Variants in GALNT5 observed in about 807,000 individuals in gnomAD.
GALNT5 encodes polypeptide N-acetylgalactosaminyltransferase 5, also known as UDP-GalNAc:polypeptide N-acetylgalactosaminyltransferase 5.
A neutral mutation model predicts 85.4 loss-of-function variants in GALNT5; 72 were observed. The ratio of observed to expected loss-of-function variants is 0.84; its 90% CI spans 0.70 to 1.03. GALNT5 has a LOEUF of 1.03. Among genes scored for constraint, GALNT5 ranks in the 50% least tolerant of loss-of-function variants. The pLI is 0.00. For missense variants in GALNT5, 1,137 were observed against 1,135.5 expected (o/e 1.00, Z -0.02); for synonymous variants, 404 against 397.0 (o/e 1.02, Z -0.21).
At chr2:157,310,329 C>T (rs1046596847) in intron 9 of GALNT5, among the ~76,000 whole-genome samples, 1 of 152,074 alleles carries the variant, frequency 6.6e-6, no homozygotes, top group Non-Finnish European at 1.5e-5. Context: ...AGTTTTCATG[C>T]TATTGCTACT....
In GALNT5 at chr2:157,311,528, C is replaced by A; in HGVS notation, c.*180C>A. 1 of 515,424 alleles carries A rather than the reference C, an allele frequency of 1.9e-6. No homozygotes were observed. Among genetic ancestry groups the A allele is most frequent in the Admixed American group, 4.0e-5 (1 of 25,248 alleles). 31.9% of individuals were successfully genotyped at this position (515,424 alleles called of 1,614,324 possible). A position where few individuals can be genotyped will look rare whatever the true frequency, so the allele number is the denominator to read the frequency against. Reference sequence around the variant, plus strand: ...AAGATGACTCAGGAAAACAGTCCAACATTGGACTGAAGTCCTTCTTCGGAA... The same window carrying A: ...AAGATGACTCAGGAAAACAGTCCAAAATTGGACTGAAGTCCTTCTTCGGAA... On this transcript the variant is annotated 3_prime_UTR_variant, in exon 10 of 10. Transcript: ENST00000259056.
chr2:157,294,294 G>C lies in GALNT5; in HGVS notation c.1742-1369G>C, dbSNP rs533164279. ...CCCCCTGGAATGTTGCTGAGTGATG[G>C]ATCAGAGCAGAACAGAGCAGACAAG... On this transcript the variant is annotated intron_variant, in intron 3 of 9. Transcript: ENST00000259056. Among the ~76,000 whole-genome samples the C allele has an allele frequency of 2.0e-5, 3 of 152,296 alleles. No individual in the cohort carries two copies. The South Asian group carries it at 6.2e-4, about 32-fold the overall frequency.
At chr2:157,289,573 G>C (rs1235084702) in intron 3 of GALNT5, among the ~76,000 whole-genome samples, 1 of 152,054 alleles carries the variant, frequency 6.6e-6, no homozygotes, top group South Asian at 2.1e-4. Flanking sequence ...GGAATCTACA[G>C]CTCTCAGTTT....
chr2:157,279,915 C>T (rs904740179), intron 1 of GALNT5, among the ~76,000 whole-genome samples: 1 of 152,174 alleles, frequency 6.6e-6, no homozygotes, highest in African/African-American at 2.4e-5. Context: ...ACGCTGGGAG[C>T]TGCAGATCGG....
chr2:157,284,077 T>G (rs1229842982), intron 1 of GALNT5, among the ~76,000 whole-genome samples: 1 of 152,174 alleles, frequency 6.6e-6, no homozygotes, highest in Non-Finnish European at 1.5e-5. Context: ...CTTTTTTATT[T>G]TGCATGTACC....
rs1203725844 is a variant in GALNT5, at chr2:157,317,194, A to ATTT, written c.*5847_*5848insTTT. Among the ~76,000 whole-genome samples the ATTT allele has an allele frequency of 2.3e-5, 3 of 132,824 alleles. No homozygotes were observed. Among genetic ancestry groups the ATTT allele is most frequent in the African/African-American group, 1.0e-4 (3 of 29,962 alleles). 87.1% of individuals were successfully genotyped at this position (132,824 alleles called of 152,430 possible). A position where few individuals can be genotyped will look rare whatever the true frequency, so the allele number is the denominator to read the frequency against. On this transcript the variant is annotated 3_prime_UTR_variant, in exon 10 of 10. Transcript: ENST00000259056. The stretch of plus-strand genomic sequence containing the variant: ...TGTGTGTATATATATATATATATAT[A>ATTT]TATATTTTTTTTTTTGATGCTTTGA...
At chr2:157,270,008 G>T in intron 1 of GALNT5, among the ~76,000 whole-genome samples, 1 of 151,790 alleles carries the variant, frequency 6.6e-6, no homozygotes, top group Admixed American at 6.6e-5. Flanking sequence ...ACTGTGAAAT[G>T]TGAATTTCTC....
intron 9 of GALNT5, among the ~76,000 whole-genome samples, chr2:157,309,987 G>C (rs1362158422): frequency 6.6e-6 from 1 of 151,716 alleles, no homozygotes; most frequent in Non-Finnish European, 1.5e-5. Flanking sequence ...AAGGAGAAAG[G>C]GGGGGATGTG....
chr2:157,258,713 G>T lies in GALNT5; in HGVS notation c.631G>T (p.Ala211Ser), dbSNP rs1682260041. The T allele has an allele frequency of 6.2e-7, 1 of 1,613,842 alleles. No individual in the cohort carries two copies. Among genetic ancestry groups the T allele is most frequent in the Non-Finnish European group, 8.5e-7 (1 of 1,179,996 alleles). ...HSPSSDTSKL[A>S]AERDLNVTIS... Reference sequence around the variant, plus strand: ...TCCCAGCAGTGACACATCAAAACTAGCAGCTGAAAGGGACTTGAATGTGAC... The same window carrying T: ...TCCCAGCAGTGACACATCAAAACTATCAGCTGAAAGGGACTTGAATGTGAC... The change falls in exon 1 of 10, where the codon GCA becomes TCA. Residue 211 changes from alanine (A) to serine (S), a missense_variant. Ala to Ser is a moderately conservative substitution (Grantham distance 99). Transcript: ENST00000259056.
At chr2:157,272,352 C>T (rs1682607865) in intron 1 of GALNT5, among the ~76,000 whole-genome samples, 2 of 152,150 alleles carry the variant, frequency 1.3e-5, no homozygotes, top group South Asian at 4.1e-4. Context: ...TATCCTTTCC[C>T]TCATTTACCT....
intron 1 of GALNT5, among the ~76,000 whole-genome samples, chr2:157,271,575 A>T (rs1682585377): frequency 6.6e-6 from 1 of 152,246 alleles, no homozygotes; most frequent in African/African-American, 2.4e-5. Flanking sequence ...CACACAGAAT[A>T]GAAGTTGATG....
intron 4 of GALNT5, among the ~76,000 whole-genome samples, chr2:157,296,170 C>T (rs574303988): frequency 6.6e-6 from 1 of 151,928 alleles, no homozygotes; most frequent in Non-Finnish European, 1.5e-5. Context: ...AACTGGCTAG[C>T]ATATTGTTAT....
chr2:157,293,019 A>G (rs1262932798), intron 3 of GALNT5, among the ~76,000 whole-genome samples: 2 of 152,120 alleles, frequency 1.3e-5, no homozygotes, highest in Non-Finnish European at 2.9e-5. Context: ...TTTTTCTACT[A>G]CATTGTATAC....
intron 1 of GALNT5, among the ~76,000 whole-genome samples, chr2:157,262,978 C>T (rs1435837481): frequency 2.0e-5 from 3 of 151,212 alleles, no homozygotes; most frequent in Non-Finnish European, 4.4e-5. Flanking sequence ...CAGGCACCCG[C>T]CACCATGCCC....
chr2:157,274,681 T>A (rs1558892861), intron 1 of GALNT5, among the ~76,000 whole-genome samples: 1 of 152,050 alleles, frequency 6.6e-6, no homozygotes, highest in East Asian at 1.9e-4. Context: ...GGGTTGTTTG[T>A]TTTTTTTCTT....
At chr2:157,295,534 G>A (rs1320443561) in intron 3 of GALNT5, 129 bp from the exon 4 acceptor site, 18 of 494,386 alleles carry the variant, frequency 3.6e-5, no homozygotes, top group African/African-American at 6.0e-5. Context: ...CACGAATTCA[G>A]AAAAAAAAAA....
Position 157,259,018 on chromosome 2 carries a change from G to A in GALNT5, c.936G>A (p.Gly312=), listed in dbSNP as rs927731211. The change falls in exon 1 of 10, where the codon GGG becomes GGA. Residue 312 remains glycine (G), a synonymous_variant. Transcript: ENST00000259056. ...SKDDGARGAH[G]KKLNFSESHL... is the part of the protein sequence containing the mutation. ...ATGATGGAGCTAGAGGGGCTCATGG[G>A]AAGAAACTCAATTTCTCTGAAAGCC... is the stretch of plus-strand genomic sequence containing the variant. 3 of 1,474,298 alleles carry A rather than the reference G, an allele frequency of 2.0e-6. No individual in the cohort carries two copies. Among genetic ancestry groups the A allele is most frequent in the African/African-American group, 2.8e-5 (2 of 71,146 alleles). The allele number at this position is 1,474,298 out of a possible 1,614,324, so 91.3% of individuals were successfully genotyped here.
chr2:157,273,674 C>G (rs1172850278), intron 1 of GALNT5, among the ~76,000 whole-genome samples: 1 of 21,200 alleles, frequency 4.7e-5, no homozygotes, highest in Non-Finnish European at 9.6e-5. Flanking sequence ...CAGATTTTTG[C>G]TCTTGTTGCC....
Position 157,317,025 on chromosome 2 carries a change from T to A in GALNT5, c.*5677T>A, listed in dbSNP as rs925424674. Reference sequence around the variant, plus strand: ...TTCTGTTTTATTATTGATTGACAGATATTTACCAGTTTAAGGATATTGGTC... The same window carrying A: ...TTCTGTTTTATTATTGATTGACAGAAATTTACCAGTTTAAGGATATTGGTC... On this transcript the variant is annotated 3_prime_UTR_variant, in exon 10 of 10. Transcript: ENST00000259056. 3.3e-5 allele frequency among the ~76,000 whole-genome samples: 5 copies of A among 151,788 alleles called. No individual in the cohort carries two copies. Among genetic ancestry groups the A allele is most frequent in the African/African-American group, 1.2e-4 (5 of 41,398 alleles).
Sources: gnomAD v4.1 joint callset for allele counts (sites outside exome capture counted in the v4.1 genomes callset) on GRCh38, gnomAD v4.1.1 for gene constraint, MANE v1.5 for transcripts, NCBI Gene and HGNC (gene_info 2026-07-23, HGNC 2026-07-21) for gene names.